RREB1: variants seen among roughly 807,000 people sequenced by gnomAD.
RREB1 encodes ras responsive element binding protein 1.
Under a neutral mutation model 117.8 loss-of-function variants are expected in RREB1, and 27 were observed. The ratio of observed to expected loss-of-function variants is 0.23; its 90% CI spans 0.17 to 0.32. The LOEUF (loss-of-function observed/expected upper bound fraction) is 0.32, where lower values mean the gene tolerates loss of function less well. RREB1 is among the 10% of genes least tolerant of loss of function. The pLI is 1.00. For synonymous variants in RREB1, 1,298 were observed against 1,026.7 expected (o/e 1.26, Z -5.05); for missense variants, 2,577 against 2,378.2 (o/e 1.08, Z -1.74).
chr6:7,249,091 G>GAGAGAGAGAGAGAGAGAGAC lies in RREB1; in HGVS notation c.*136_*137insGAGAGACAGAGAGAGAGAGA. ...AGAGAGAGAGAGAGAGAGAGAGAGA[G>GAGAGAGAGAGAGAGAGAGAC]AGAGAGAGAGAGACAAGCAGGAGCG... On this transcript the variant is annotated 3_prime_UTR_variant, in exon 13 of 13. Transcript: ENST00000379938. 1.3e-6 allele frequency: 1 copy of GAGAGAGAGAGAGAGAGAGAC among 769,548 alleles called. No individual in the cohort carries two copies. The highest frequency in any genetic ancestry group is 2.0e-5 in the South Asian group (1 of 49,018). The allele number at this position is 769,548 out of a possible 1,614,324, so 47.7% of individuals were successfully genotyped here.
intron 6 of RREB1, among the ~76,000 whole-genome samples, chr6:7,189,549 G>C (rs1348493991): frequency 6.6e-6 from 1 of 152,208 alleles, no homozygotes; most frequent in Non-Finnish European, 1.5e-5. Flanking sequence ...GAAACACAGA[G>C]TCATTTCCCC....
intron 6 of RREB1, among the ~76,000 whole-genome samples, chr6:7,205,940 G>T (rs1006178368): frequency 6.6e-5 from 10 of 152,118 alleles, no homozygotes; most frequent in African/African-American, 1.2e-4. Flanking sequence ...AGATTTGGGG[G>T]TTTTTTCCAC....
At chr6:7,138,589 G>T (rs1227844002) in intron 1 of RREB1, among the ~76,000 whole-genome samples, 1 of 152,190 alleles carries the variant, frequency 6.6e-6, no homozygotes, top group Non-Finnish European at 1.5e-5. Flanking sequence ...ATAGATTTAT[G>T]TATCTGTTTG....
rs771381269 is a variant in RREB1 at position 7,230,588 on chromosome 6, G to A, written c.2489G>A (p.Gly830Asp). The part of the protein sequence containing the change: ...DIESYVLAAD[G>D]LGPAEAPAAE... ...GAGAGCTACGTGCTGGCCGCCGACGGCCTGGGCCCCGCAGAGGCGCCGGCC... is the reference window on the plus strand; with the variant it reads ...GAGAGCTACGTGCTGGCCGCCGACGACCTGGGCCCCGCAGAGGCGCCGGCC... The change falls in exon 10 of 13, where the codon GGC becomes GAC. Residue 830 changes from glycine to aspartate, a missense_variant. Gly to Asp is a moderately conservative substitution (Grantham distance 94, BLOSUM62 -1). Transcript: ENST00000379938. 20 of 1,603,746 alleles carry A rather than the reference G, an allele frequency of 1.2e-5. No homozygotes were observed. The East Asian group carries it at 3.8e-4, about 31-fold the overall frequency.
At chr6:7,184,634 T>C (rs1764985012) in intron 4 of RREB1, 1 of 152,112 alleles carries the variant, frequency 6.6e-6, no homozygotes, top group Non-Finnish European at 1.5e-5. Flanking sequence ...ACCTGTATGA[T>C]GGCCTGCAGC....
At chr6:7,182,633 G>A (rs1184598342) in intron 4 of RREB1, among the ~76,000 whole-genome samples, 1 of 152,184 alleles carries the variant, frequency 6.6e-6, no homozygotes, top group Non-Finnish European at 1.5e-5. Context: ...TGTTACAAAA[G>A]TTGATGTCTT....
intron 1 of RREB1, among the ~76,000 whole-genome samples, chr6:7,165,254 C>G (rs1050818322): frequency 5.3e-5 from 8 of 152,182 alleles, no homozygotes; most frequent in Admixed American, 3.3e-4. Flanking sequence ...CCAGCCCTTG[C>G]CTTCGTGTGG....
At chr6:7,151,529 G>A (rs868411954) in intron 1 of RREB1, among the ~76,000 whole-genome samples, 2 of 152,234 alleles carry the variant, frequency 1.3e-5, no homozygotes, top group African/African-American at 2.4e-5. Flanking sequence ...GAGTCATTTC[G>A]CTGAGAACTG....
At chr6:7,179,796 G>GTTTTTTT (rs111361161) in intron 2 of RREB1, among the ~76,000 whole-genome samples, 1 of 147,730 alleles carries the variant, frequency 6.8e-6, no homozygotes. Flanking sequence ...TTGAAACACA[G>GTTTTTTT]TTTTTTTTTT....
chr6:7,231,491 C>T lies in RREB1; in HGVS notation c.3392C>T (p.Ala1131Val). 1.2e-6 allele frequency: 2 copies of T among 1,611,314 alleles called. No individual in the cohort carries two copies. The highest frequency in any genetic ancestry group is 1.7e-6 in the Non-Finnish European group (2 of 1,179,016). The change falls in exon 10 of 13, where the codon GCT becomes GTT. Residue 1131 changes from alanine to valine, a missense_variant. Coordinates refer to ENST00000379938, the MANE Select transcript of RREB1 (RefSeq NM_001003699.4). ...TSPKESSEPP[A>V]PASSPEAASP... is the part of the protein sequence containing the mutation. Reference sequence around the variant, plus strand: ...CCAAAAGAGTCTAGTGAGCCTCCCGCTCCAGCCAGCAGCCCAGAGGCTGCC... The same window carrying T: ...CCAAAAGAGTCTAGTGAGCCTCCCGTTCCAGCCAGCAGCCCAGAGGCTGCC...
intron 6 of RREB1, among the ~76,000 whole-genome samples, chr6:7,208,514 G>A (rs541507643): frequency 5.6e-4 from 85 of 152,172 alleles, no homozygotes; most frequent in African/African-American, 1.9e-3. Flanking sequence ...CCGGTAGCTG[G>A]GGATTTCACC....
chr6:7,182,141 G>T, intron 4 of RREB1, 59 bp downstream of exon 4: 1 of 1,409,176 alleles, frequency 7.1e-7, no homozygotes, highest in Non-Finnish European at 9.8e-7. Flanking sequence ...AACATTGGGA[G>T]ATGTTTCCGA....
chr6:7,230,157 C>T lies in RREB1; in HGVS notation c.2058C>T (p.Leu686=). ...ACATCGCCGCCGACAAGGCCGCGCT[C>T]ATCCGCCACCTGCGCACGCACAGTG... ...CDYIAADKAA[L]IRHLRTHSGE... The change falls in exon 10 of 13, where the codon CTC becomes CTT. Residue 686 remains leucine (L), a synonymous_variant. Coordinates refer to ENST00000379938, the MANE Select transcript of RREB1 (RefSeq NM_001003699.4). 3 of 1,606,706 alleles carry T rather than the reference C, an allele frequency of 1.9e-6. No individual in the cohort carries two copies. The highest frequency in any genetic ancestry group is 2.5e-6 in the Non-Finnish European group (3 of 1,179,424).
At chr6:7,142,230 A>AT (rs1213750891) in intron 1 of RREB1, among the ~76,000 whole-genome samples, 3 of 151,722 alleles carry the variant, frequency 2.0e-5, no homozygotes, top group East Asian at 3.9e-4. Flanking sequence ...TAAAAAAAAA[A>AT]AAAAGGCTAT....
intron 8 of RREB1, chr6:7,212,918 AC>A (rs1766698684): frequency 2.0e-5 from 3 of 152,224 alleles, no homozygotes. Context: ...AAAGGAACTT[AC>A]GAAGAATTTA....
rs1470098219 is a variant in RREB1 at position 7,231,516 on chromosome 6, C to G, written c.3417C>G (p.Ala1139=). 1.2e-6 allele frequency: 2 copies of G among 1,609,124 alleles called. No homozygotes were observed. Among genetic ancestry groups the G allele is most frequent in the African/African-American group, 2.7e-5 (2 of 74,748 alleles). ...CTCCAGCCAGCAGCCCAGAGGCTGC[C>G]TCTCCCACCGAGCAGGGCCCAGCGG... ...PPAPASSPEA[A]SPTEQGPAGT... Residue 1139 remains alanine (A), a synonymous_variant, in exon 10 of 13, where the codon GCC becomes GCG. Coordinates refer to ENST00000379938, the MANE Select transcript of RREB1 (RefSeq NM_001003699.4).
At chr6:7,143,071 C>G (rs1057499357) in intron 1 of RREB1, among the ~76,000 whole-genome samples, 14 of 152,150 alleles carry the variant, frequency 9.2e-5, no homozygotes, top group African/African-American at 2.9e-4. Context: ...TACATTTGAG[C>G]CACTGGGATT....
chr6:7,122,662 A>AG, intron 1 of RREB1, among the ~76,000 whole-genome samples: 1 of 152,266 alleles, frequency 6.6e-6, no homozygotes, highest in Non-Finnish European at 1.5e-5. Flanking sequence ...AGCTTGGTGA[A>AG]GAGATGGCTG....
At position 7,230,772 on chromosome 6, in the gene RREB1, C is replaced by T. The variant is rs1581575099; in HGVS notation, c.2673C>T (p.Ser891=). Residue 891 remains serine, a synonymous_variant, in exon 10 of 13, where the codon AGC becomes AGT. Transcript: ENST00000379938. The part of the protein sequence containing the change: ...HVSIKLEPAS[S]FAVDFNEPLD... ...CGATCAAGTTGGAGCCCGCCAGTAG[C>T]TTTGCGGTGGACTTCAATGAGCCCC... 6.2e-7 allele frequency: 1 copy of T among 1,612,830 alleles called. No individual in the cohort carries two copies. Among genetic ancestry groups the T allele is most frequent in the Non-Finnish European group, 8.5e-7 (1 of 1,179,182 alleles).
Sources: gnomAD v4.1 joint callset for allele counts (sites outside exome capture counted in the v4.1 genomes callset) on GRCh38, gnomAD v4.1.1 for gene constraint, MANE v1.5 for transcripts, NCBI Gene and HGNC (gene_info 2026-07-23, HGNC 2026-07-21) for gene names.